Variants in DNAH8 observed in about 807,000 individuals in gnomAD.
The protein encoded by DNAH8 is axonemal beta dynein heavy chain 8.
DNAH8 carries 382 observed loss-of-function variants against 562.1 expected under a neutral mutation model. The ratio of observed to expected loss-of-function variants is 0.68; its 90% CI spans 0.63 to 0.74. The LOEUF (loss-of-function observed/expected upper bound fraction) is 0.74. Among genes scored for constraint, DNAH8 ranks in the 30% least tolerant of loss-of-function variants. DNAH8 has a pLI of 0.00. For synonymous variants in DNAH8, 1,881 were observed against 1,919.4 expected (o/e 0.98, Z 0.52); for missense variants, 5,203 against 5,620.4 (o/e 0.93, Z 2.37).
intron 21 of DNAH8, among the ~76,000 whole-genome samples, chr6:38,799,887 C>T (rs1408188618): frequency 1.3e-5 from 2 of 152,146 alleles, no homozygotes; most frequent in Non-Finnish European, 1.5e-5. Flanking sequence ...TAGCTTCTTT[C>T]TCTTAGTGGA....
intron 33 of DNAH8, among the ~76,000 whole-genome samples, chr6:38,838,523 C>G (rs540138630): frequency 6.6e-6 from 1 of 152,034 alleles, no homozygotes; most frequent in Non-Finnish European, 1.5e-5. Flanking sequence ...CTCAGCCTTC[C>G]GAATAGCTGG....
chr6:38,743,013 T>TGTGC (rs1562617639), intron 8 of DNAH8, among the ~76,000 whole-genome samples: 36 of 93,480 alleles, frequency 3.9e-4, no homozygotes, highest in Admixed American at 8.1e-4. Flanking sequence ...TGTGCTTTTT[T>TGTGC]TTTTTTTTTT....
intron 88 of DNAH8, among the ~76,000 whole-genome samples, chr6:38,993,498 A>C (rs59954136): frequency 0.05 from 7,669 of 152,294 alleles, 678 homozygotes; most frequent in African/African-American, 0.17. Flanking sequence ...AACATGGTTC[A>C]AAAGTTACAA....
At chr6:38,917,469 T>G (rs1168995124) in intron 69 of DNAH8, 63 bp downstream of exon 69, 1 of 1,369,304 alleles carries the variant, frequency 7.3e-7, no homozygotes, top group Non-Finnish European at 1.0e-6. Context: ...CCCAGGACAC[T>G]CAATATAGAC....
chr6:38,895,420 G>T (rs540672248), intron 59 of DNAH8, among the ~76,000 whole-genome samples: 8 of 152,254 alleles, frequency 5.3e-5, no homozygotes, highest in Non-Finnish European at 8.8e-5. Context: ...ATCATCAGAG[G>T]TGATAACATT....
chr6:39,027,198 A>G (rs1767357219), intron 92 of DNAH8, among the ~76,000 whole-genome samples: 1 of 152,138 alleles, frequency 6.6e-6, no homozygotes. Context: ...TCACACCACC[A>G]GACTCCAGCC....
At chr6:38,751,424 A>G (rs146866162) in intron 9 of DNAH8, among the ~76,000 whole-genome samples, 1 of 152,328 alleles carries the variant, frequency 6.6e-6, no homozygotes, top group Non-Finnish European at 1.5e-5. Flanking sequence ...GTAGGGGAGT[A>G]TACAAGGGTG....
chr6:38,998,040 G>A (rs1765256401), intron 88 of DNAH8, among the ~76,000 whole-genome samples: 2 of 152,220 alleles, frequency 1.3e-5, no homozygotes, highest in African/African-American at 4.8e-5. Flanking sequence ...TTATAGGCAT[G>A]AGCCACGGTG....
chr6:38,977,272 C>T (rs774459622), intron 85 of DNAH8, among the ~76,000 whole-genome samples: 3 of 152,128 alleles, frequency 2.0e-5, no homozygotes, highest in East Asian at 3.9e-4. Context: ...GAGGCAACGC[C>T]GCACTAAGCT....
At chr6:38,879,578 C>T (rs528604541) in intron 53 of DNAH8, among the ~76,000 whole-genome samples, 12 of 152,330 alleles carry the variant, frequency 7.9e-5, no homozygotes, top group African/African-American at 2.9e-4. Flanking sequence ...ACAACATCTA[C>T]AAAATACCTA....
chr6:38,900,888 C>T (rs1489842637), intron 62 of DNAH8, among the ~76,000 whole-genome samples: 1 of 152,142 alleles, frequency 6.6e-6, no homozygotes, highest in Non-Finnish European at 1.5e-5. Context: ...AAATTATAGG[C>T]GTGAGCCACC....
At chr6:38,753,763 A>T (rs1409658943) in intron 9 of DNAH8, among the ~76,000 whole-genome samples, 1 of 152,178 alleles carries the variant, frequency 6.6e-6, no homozygotes, top group Non-Finnish European at 1.5e-5. Context: ...TAGTAATTTT[A>T]AAAAGCTTTG....
chr6:38,818,349 A>T (rs148047235), intron 26 of DNAH8, among the ~76,000 whole-genome samples: 1 of 152,116 alleles, frequency 6.6e-6, no homozygotes, highest in East Asian at 1.9e-4. Context: ...TTAGATGCAA[A>T]AATCTCCTTG....
At chr6:38,951,563 T>G (rs1208116883) in intron 82 of DNAH8, 43 bp downstream of exon 82, 2 of 1,555,226 alleles carry the variant, frequency 1.3e-6, no homozygotes, top group Non-Finnish European at 1.8e-6. Flanking sequence ...CTTCCATATT[T>G]TTTTGCCCCA....
chr6:38,867,206 G>A (rs956082961), intron 47 of DNAH8, among the ~76,000 whole-genome samples: 11 of 149,306 alleles, frequency 7.4e-5, no homozygotes, highest in African/African-American at 2.7e-4. Context: ...GGTTTCATCA[G>A]TTATACATGC....
intron 74 of DNAH8, 143 bp from the exon 75 acceptor site, chr6:38,929,368 T>A (rs1019667846): frequency 9.0e-6 from 7 of 776,104 alleles, no homozygotes; most frequent in African/African-American, 1.8e-5. Flanking sequence ...TTAATTTTTG[T>A]ATGTTACTTT....
At chr6:38,992,385 A>G (rs1764854566) in intron 88 of DNAH8, among the ~76,000 whole-genome samples, 1 of 152,220 alleles carries the variant, frequency 6.6e-6, no homozygotes, top group South Asian at 2.1e-4. Context: ...CTTGTGCTAT[A>G]GCAGTGCCTG....
chr6:38,805,015 T>C (rs1416405520), intron 22 of DNAH8, among the ~76,000 whole-genome samples: 1 of 152,044 alleles, frequency 6.6e-6, no homozygotes, highest in Non-Finnish European at 1.5e-5. Flanking sequence ...CAACAAAGAA[T>C]TGACCCACCC....
At chr6:38,793,951 G>C (rs1769992435) in intron 21 of DNAH8, among the ~76,000 whole-genome samples, 1 of 152,084 alleles carries the variant, frequency 6.6e-6, no homozygotes, top group Non-Finnish European at 1.5e-5. Flanking sequence ...TCTATTTGTG[G>C]GAATGCTGGA....
Sources: gnomAD v4.1 joint callset for allele counts (sites outside exome capture counted in the v4.1 genomes callset) on GRCh38, gnomAD v4.1.1 for gene constraint, MANE v1.5 for transcripts, NCBI Gene and HGNC (gene_info 2026-07-23, HGNC 2026-07-21) for gene names.